Variants in KRABD5 observed in about 807,000 individuals in gnomAD.
The protein encoded by KRABD5 is KRAB domain containing 5.
At chr16:31,745,306 T>C in the KRABD5 span, among the ~76,000 whole-genome samples, 1 of 152,218 alleles carries the variant, frequency 6.6e-6, no homozygotes, top group South Asian at 2.1e-4. Context: ...TCCCAGAGAT[T>C]CTGGTATGTT....
chr16:31,728,799 A>T, the KRABD5 span, among the ~76,000 whole-genome samples: 2 of 152,188 alleles, frequency 1.3e-5, no homozygotes, highest in South Asian at 4.1e-4. Context: ...TTATATGTAC[A>T]TTTAGTCTAT....
the KRABD5 span, among the ~76,000 whole-genome samples, chr16:31,746,454 C>G: frequency 6.6e-6 from 1 of 152,190 alleles, no homozygotes; most frequent in Non-Finnish European, 1.5e-5. Flanking sequence ...CCAGTCTCTT[C>G]TGACTTACAG....
At chr16:31,715,749 C>G in the KRABD5 span, among the ~76,000 whole-genome samples, 1 of 152,040 alleles carries the variant, frequency 6.6e-6, no homozygotes, top group Non-Finnish European at 1.5e-5. Context: ...TGTTGGACAA[C>G]CAGTTGGTGT....
At chr16:31,732,462 A>C in the KRABD5 span, among the ~76,000 whole-genome samples, 1 of 152,248 alleles carries the variant, frequency 6.6e-6, no homozygotes, top group Admixed American at 6.5e-5. Flanking sequence ...AGTGGGTACC[A>C]CATATTTATT....
the KRABD5 span, among the ~76,000 whole-genome samples, chr16:31,746,778 T>C: frequency 3.9e-5 from 6 of 152,288 alleles, no homozygotes; most frequent in Admixed American, 3.3e-4. Context: ...AGTCTTTTTG[T>C]GAAGTCACGT....
At chr16:31,737,172 A>G in the KRABD5 span, among the ~76,000 whole-genome samples, 1 of 152,244 alleles carries the variant, frequency 6.6e-6, no homozygotes, top group African/African-American at 2.4e-5. Context: ...CACCACTCCT[A>G]TTCAACATAG....
At chr16:31,756,243 AAG>A in the KRABD5 span, 1 of 152,248 alleles carries the variant, frequency 6.6e-6, no homozygotes, top group Non-Finnish European at 1.5e-5. Context: ...GAAAATCTAA[AAG>A]AGGCTCTTTG....
At chr16:31,759,398 C>T in the KRABD5 span, 1 of 1,538,222 alleles carries the variant, frequency 6.5e-7, no homozygotes, top group Non-Finnish European at 8.8e-7. Flanking sequence ...AAGATAATCT[C>T]TGCTTGAGAA....
the KRABD5 span, chr16:31,757,792 A>G: frequency 6.6e-6 from 1 of 152,000 alleles, no homozygotes; most frequent in South Asian, 2.1e-4. Context: ...TGACTAATAC[A>G]TCTGGATGGA....
At chr16:31,728,492 C>A in the KRABD5 span, among the ~76,000 whole-genome samples, 14 of 151,638 alleles carry the variant, frequency 9.2e-5, no homozygotes, top group Non-Finnish European at 1.9e-4. Context: ...CTTGTGTTTC[C>A]AATTTCATTT....
the KRABD5 span, among the ~76,000 whole-genome samples, chr16:31,732,533 T>A: frequency 2.0e-5 from 3 of 152,244 alleles, no homozygotes; most frequent in African/African-American, 7.2e-5. Context: ...AAGATTTATA[T>A]ATTTTTTTAG....
the KRABD5 span, among the ~76,000 whole-genome samples, chr16:31,740,661 G>T: frequency 6.6e-6 from 1 of 151,584 alleles, no homozygotes; most frequent in Non-Finnish European, 1.5e-5. Flanking sequence ...AGTTGTTGTG[G>T]CATGTGCCTG....
the KRABD5 span, among the ~76,000 whole-genome samples, chr16:31,719,076 A>C: frequency 2.0e-5 from 3 of 152,242 alleles, no homozygotes; most frequent in Admixed American, 6.5e-5. Context: ...CTTCCATTTC[A>C]TATGGCCATT....
chr16:31,749,400 C>T, the KRABD5 span, among the ~76,000 whole-genome samples: 1 of 152,226 alleles, frequency 6.6e-6, no homozygotes, highest in African/African-American at 2.4e-5. Flanking sequence ...CAGTTGTGAG[C>T]CCCAGTGCTG....
chr16:31,739,940 C>G, the KRABD5 span, among the ~76,000 whole-genome samples: 1 of 152,194 alleles, frequency 6.6e-6, no homozygotes, highest in Non-Finnish European at 1.5e-5. Context: ...CTACAGATAA[C>G]TAGCCAGAGC....
At chr16:31,735,582 T>C in the KRABD5 span, among the ~76,000 whole-genome samples, 3 of 152,210 alleles carry the variant, frequency 2.0e-5, no homozygotes, top group Admixed American at 2.0e-4. Flanking sequence ...GTTTTAGTTA[T>C]ATTTTTTGTC....
chr16:31,735,050 G>A, the KRABD5 span, among the ~76,000 whole-genome samples: 5 of 151,614 alleles, frequency 3.3e-5, no homozygotes, highest in East Asian at 1.9e-4. Context: ...TGCCCTGCCC[G>A]CCTGCCTGCC....
chr16:31,744,262 G>A, the KRABD5 span, among the ~76,000 whole-genome samples: 10 of 152,228 alleles, frequency 6.6e-5, no homozygotes, highest in African/African-American at 2.4e-4. Flanking sequence ...CTATGAGTTT[G>A]TCATAAATAG....
chr16:31,759,242 C>T, the KRABD5 span: 3 of 1,107,944 alleles, frequency 2.7e-6, no homozygotes, highest in Non-Finnish European at 3.8e-6. Flanking sequence ...GAACAAAATA[C>T]AGCTCAGGAA....
Sources: gnomAD v4.1 joint callset for allele counts (sites outside exome capture counted in the v4.1 genomes callset) on GRCh38, gnomAD v4.1.1 for gene constraint, MANE v1.5 for transcripts, NCBI Gene and HGNC (gene_info 2026-07-23, HGNC 2026-07-21) for gene names.